The following HSPA12A variants were observed in gnomAD, a reference collection of about 807,000 sequenced individuals.
HSPA12A encodes heat shock protein family A (Hsp70) member 12A, also known as heat shock 70 kDa protein 12A.
Under a neutral mutation model 69.2 loss-of-function variants are expected in HSPA12A, and 28 were observed. The observed-to-expected ratio is 0.40, with a 90% CI of 0.30 to 0.55. The LOEUF is 0.55. Ranked by LOEUF, HSPA12A falls within the 20% of genes least tolerant of loss-of-function variation. HSPA12A has a pLI of 0.38. For synonymous variants in HSPA12A, 345 were observed against 370.5 expected, an observed-to-expected ratio of 0.93 and a Z score of 0.79; for missense variants, 686 against 900.7, an observed-to-expected ratio of 0.76 and a Z score of 3.05.
At chr10:116,778,650 C>A (rs1844394239) in intron 2 of HSPA12A, among the ~76,000 whole-genome samples, 1 of 152,186 alleles carries the variant, frequency 6.6e-6, no homozygotes, top group South Asian at 2.1e-4. Flanking sequence ...CCTATAAATC[C>A]CAGCATGTTG....
At chr10:116,776,324 G>C (rs1378799395) in intron 2 of HSPA12A, among the ~76,000 whole-genome samples, 2 of 152,132 alleles carry the variant, frequency 1.3e-5, no homozygotes, top group African/African-American at 2.4e-5. Context: ...CCTCCCGCTG[G>C]TCTCACCCCC....
At chr10:116,846,748 A>G (rs930163829) in intron 1 of HSPA12A, among the ~76,000 whole-genome samples, 100 of 152,190 alleles carry the variant, frequency 6.6e-4, no homozygotes, top group African/African-American at 2.4e-3. Flanking sequence ...GGTCCTGGTG[A>G]TCCCATCACC....
chr10:116,705,350 G>T, intron 2 of HSPA12A, 72 bp from the exon 3 acceptor site: 1 of 1,545,756 alleles, frequency 6.5e-7, no homozygotes, highest in Non-Finnish European at 8.9e-7. Context: ...CCCCTGGGGG[G>T]TCTCACCTTG....
At chr10:116,848,290 G>C (rs746935746) in intron 1 of HSPA12A, among the ~76,000 whole-genome samples, 1 of 152,234 alleles carries the variant, frequency 6.6e-6, no homozygotes, top group African/African-American at 2.4e-5. Flanking sequence ...TTCCGTAAGA[G>C]AGCAGAGAGA....
chr10:116,726,027 GCACACACACACACA>G (rs71013613), intron 1 of HSPA12A, among the ~76,000 whole-genome samples: 5 of 146,114 alleles, frequency 3.4e-5, no homozygotes, highest in East Asian at 2.1e-4. Context: ...ACACACACAC[GCACACACACACACA>G]CACACACACA....
intron 1 of HSPA12A, among the ~76,000 whole-genome samples, chr10:116,734,264 A>G (rs902147411): frequency 2.0e-5 from 3 of 152,036 alleles, no homozygotes; most frequent in African/African-American, 7.2e-5. Flanking sequence ...CGCCTGGCCA[A>G]CATGGTGAAA....
intron 1 of HSPA12A, among the ~76,000 whole-genome samples, chr10:116,729,747 C>T (rs1331941080): frequency 6.6e-6 from 1 of 152,082 alleles, no homozygotes; most frequent in Non-Finnish European, 1.5e-5. Flanking sequence ...CCATGTTGTT[C>T]AAGGGCCAAC....
At chr10:116,725,668 G>C (rs1850929669) in intron 1 of HSPA12A, among the ~76,000 whole-genome samples, 1 of 152,138 alleles carries the variant, frequency 6.6e-6, no homozygotes, top group Non-Finnish European at 1.5e-5. Context: ...GGCAGAAGGG[G>C]CGCTATCTTG....
intron 2 of HSPA12A, among the ~76,000 whole-genome samples, chr10:116,803,233 G>T (rs934943766): frequency 6.6e-6 from 1 of 152,260 alleles, no homozygotes; most frequent in African/African-American, 2.4e-5. Flanking sequence ...AGGGTGTGCG[G>T]AGAGAATTCG....
At chr10:116,693,318 C>G (rs1564781410) in intron 5 of HSPA12A, among the ~76,000 whole-genome samples, 1 of 152,152 alleles carries the variant, frequency 6.6e-6, no homozygotes. Context: ...GATAAAGGGG[C>G]TGGGCAGAAG....
At chr10:116,712,836 G>T (rs1385166334) in intron 1 of HSPA12A, among the ~76,000 whole-genome samples, 3 of 151,718 alleles carry the variant, frequency 2.0e-5, no homozygotes, top group Non-Finnish European at 4.4e-5. Context: ...GAGGAAATGT[G>T]ACAGGTGGTC....
At position 116,675,463 on chromosome 10, in the gene HSPA12A, G is replaced by A. The variant is rs975467156; in HGVS notation, c.1391-45C>T. ...GAGAATGTCCTGTCACCAAAAGCCA[G>A]CAAGGAAGGGGGAACTGGGCTGCCT... On this transcript the variant is annotated intron_variant, in intron 11 of 11. Coordinates refer to ENST00000369209, the MANE Select transcript of HSPA12A (RefSeq NM_025015.3). The surrounding 1 kb of genome is among the most constrained non-coding windows in gnomAD (Gnocchi z 5.2). The A allele has an allele frequency of 6.7e-7, 1 of 1,501,866 alleles. No individual in the cohort carries two copies. Among genetic ancestry groups the A allele is most frequent in the Non-Finnish European group, 8.9e-7 (1 of 1,124,028 alleles). 93.0% of individuals were successfully genotyped at this position (1,501,866 alleles called of 1,614,324 possible).
At chr10:116,830,243 C>T (rs984306649) in intron 2 of HSPA12A, 1 of 152,134 alleles carries the variant, frequency 6.6e-6, no homozygotes, top group Non-Finnish European at 1.5e-5. Flanking sequence ...AACATGTAGG[C>T]CAAGATACAT....
chr10:116,681,603 T>C (rs974441784), intron 8 of HSPA12A, among the ~76,000 whole-genome samples, 188 bp downstream of exon 8: 9 of 152,150 alleles, frequency 5.9e-5, no homozygotes, highest in East Asian at 1.9e-4. Flanking sequence ...ACTGATCAAT[T>C]CCAATCCCTA....
chr10:116,671,559 G>T lies in HSPA12A; in HGVS notation c.*3222C>A, dbSNP rs1849079024. 6.6e-6 allele frequency: 1 copy of T among 152,568 alleles called. No individual in the cohort carries two copies. The highest frequency in any genetic ancestry group is 2.1e-4 in the South Asian group (1 of 4,826). 9.5% of individuals were successfully genotyped at this position (152,568 alleles called of 1,614,324 possible). ...CTACCCTGGCAATTAACCAGACCTG[G>T]ACTCTAAAAGCTAAACTTGGTCTAA... is the stretch of plus-strand genomic sequence containing the variant. On this transcript the variant is annotated 3_prime_UTR_variant, in exon 12 of 12. Coordinates refer to ENST00000369209, the MANE Select transcript of HSPA12A (RefSeq NM_025015.3).
At chr10:116,842,660 G>A (rs1161908029) in intron 1 of HSPA12A, among the ~76,000 whole-genome samples, 1 of 152,028 alleles carries the variant, frequency 6.6e-6, no homozygotes, top group Non-Finnish European at 1.5e-5. Flanking sequence ...TCTGTCGCCC[G>A]GGTGCAATCT....
At chr10:116,845,695 T>C (rs1378333521) in intron 1 of HSPA12A, among the ~76,000 whole-genome samples, 5 of 152,162 alleles carry the variant, frequency 3.3e-5, no homozygotes, top group Non-Finnish European at 7.4e-5. Flanking sequence ...AGCTCAGAGA[T>C]GCTCTGGAAA....
At chr10:116,831,094 T>C (rs534977315) in intron 2 of HSPA12A, 1 of 152,372 alleles carries the variant, frequency 6.6e-6, no homozygotes, top group Admixed American at 6.5e-5. Context: ...TGACTGTATG[T>C]ATAATAGTGG....
chr10:116,756,939 T>C (rs544525696), intron 2 of HSPA12A, among the ~76,000 whole-genome samples: 1 of 152,324 alleles, frequency 6.6e-6, no homozygotes, highest in South Asian at 2.1e-4. Flanking sequence ...GGCATCCTTC[T>C]AGGCCTTCTC....
Sources: allele counts gnomAD v4.1 joint callset (sites outside exome capture counted in the v4.1 genomes callset), GRCh38; gene constraint gnomAD v4.1.1; non-coding constraint Gnocchi (gnomAD v3.1); transcripts MANE v1.5; gene names NCBI Gene and HGNC (gene_info 2026-07-23, HGNC 2026-07-21).